The following CALR variants were observed in gnomAD, a reference collection of about 807,000 sequenced individuals.
The protein encoded by CALR is CRP55.
CALR carries 15 observed loss-of-function variants against 51.1 expected under a neutral mutation model. That is an observed-to-expected ratio of 0.29 (90% CI 0.20 to 0.45). CALR has a LOEUF of 0.45. Among genes scored for constraint, CALR ranks in the 20% least tolerant of loss-of-function variants. The pLI, the probability that CALR is intolerant of heterozygous loss-of-function variation, is 1.00. For missense variants in CALR, 477 were observed against 530.6 expected (o/e 0.90, Z 0.99); for synonymous variants, 239 against 205.9 (o/e 1.16, Z -1.38).
chr19:12,940,305 G>A lies in CALR; in HGVS notation c.555G>A (p.Lys185=), dbSNP rs1599660023. 1 of 1,614,238 alleles carries A rather than the reference G, an allele frequency of 6.2e-7. No homozygotes were observed. Among genetic ancestry groups the A allele is most frequent in the Non-Finnish European group, 8.5e-7 (1 of 1,180,050 alleles). Residue 185 remains lysine (K), a synonymous_variant, in exon 5 of 9, where the codon AAG becomes AAA. Coordinates refer to ENST00000316448, the MANE Select transcript of CALR (RefSeq NM_004343.4). ...IVRPDNTYEV[K]IDNSQVESGS... ...GGCCAGACAACACCTATGAGGTGAA[G>A]ATTGACAACAGCCAGGTGGAGTCCG...
rs933676459 is a variant in CALR at position 12,938,673 on chromosome 19, G to A, written c.-7G>A. On this transcript the variant is annotated 5_prime_UTR_variant, in exon 1 of 9. Coordinates refer to ENST00000316448, the MANE Select transcript of CALR (RefSeq NM_004343.4). Reference sequence around the variant, plus strand: ...GGGCCCGCGCGTTGCCGCCCCCTCGGCCCGCCATGCTGCTATCCGTGCCGC... The same window carrying A: ...GGGCCCGCGCGTTGCCGCCCCCTCGACCCGCCATGCTGCTATCCGTGCCGC... The A allele has an allele frequency of 1.2e-6, 2 of 1,606,266 alleles. No homozygotes were observed. The highest frequency in any genetic ancestry group is 1.1e-5 in the South Asian group (1 of 90,178).
chr19:12,944,285 G>T lies in CALR; in HGVS notation c.*372G>T, dbSNP rs955292670. 2.5e-6 allele frequency: 1 copy of T among 397,838 alleles called. No individual in the cohort carries two copies. Among genetic ancestry groups the T allele is most frequent in the Non-Finnish European group, 4.7e-6 (1 of 212,898 alleles). The allele number at this position is 397,838 out of a possible 1,614,324, so 24.6% of individuals were successfully genotyped here. A position where few individuals can be genotyped will look rare whatever the true frequency, so the allele number is the denominator to read the frequency against. On this transcript the variant is annotated 3_prime_UTR_variant, in exon 9 of 9. Coordinates refer to ENST00000316448, the MANE Select transcript of CALR (RefSeq NM_004343.4). ...GATTTCATCTGCTCTCCTTCCTGGA[G>T]CCCAGAGGAGGGCAGCAGAAGGGGG... is the stretch of plus-strand genomic sequence containing the variant.
Position 12,943,578 on chromosome 19 carries a change from C to G in CALR, c.1002C>G (p.Asn334Lys). The change falls in exon 8 of 9, where the codon AAC (asparagine) becomes AAG (lysine). Residue 334 changes from asparagine (N) to lysine (K), a missense_variant. Coordinates refer to ENST00000316448, the MANE Select transcript of CALR (RefSeq NM_004343.4). ...GTIFDNFLIT[N>K]DEAYAEEFGN... is the part of the protein sequence containing the mutation. ...TCTTTGACAACTTCCTCATCACCAA[C>G]GATGAGGCATACGCTGAGGAGTTTG... The G allele has an allele frequency of 6.2e-7, 1 of 1,614,128 alleles. No individual in the cohort carries two copies. Among genetic ancestry groups the G allele is most frequent in the Non-Finnish European group, 8.5e-7 (1 of 1,180,018 alleles).
rs144562269 is a variant in CALR at position 12,940,588 on chromosome 19, C to T, written c.750C>T (p.Pro250=). 1.2e-5 allele frequency: 20 copies of T among 1,614,104 alleles called. No individual in the cohort carries two copies. The East Asian group carries it at 2.5e-4, about 20-fold the overall frequency. The change falls in exon 6 of 9, where the codon CCC becomes CCT. Residue 250 remains proline, a synonymous_variant. Transcript: ENST00000316448. ...TCCCTGACCCTGATGCTAAGAAGCCCGAGGACTGGGATGAAGAGATGGACG... is the reference window on the plus strand; with the variant it reads ...TCCCTGACCCTGATGCTAAGAAGCCTGAGGACTGGGATGAAGAGATGGACG... The part of the protein sequence containing the change: ...EHIPDPDAKK[P]EDWDEEMDGE...
intron 7 of CALR, 40 bp from the exon 8 acceptor site, chr19:12,943,497 C>T (rs532390694): frequency 7.3e-5 from 114 of 1,569,390 alleles, no homozygotes; most frequent in Middle Eastern, 5.0e-4. Flanking sequence ...CAAGGGCTAT[C>T]GGGTATCACC....
Position 12,938,957 on chromosome 19 carries a change from A to T in CALR, c.92-177A>T. Reference sequence around the variant, plus strand: ...GGGCGTAGCGGCCTCCCGCGGCGGGAGTTAGGGTTAGCCCGAGGATCTCTG... The same window carrying T: ...GGGCGTAGCGGCCTCCCGCGGCGGGTGTTAGGGTTAGCCCGAGGATCTCTG... On this transcript the variant is annotated intron_variant, in intron 1 of 8. Transcript: ENST00000316448. 8.3e-6 allele frequency: 6 copies of T among 721,178 alleles called. No homozygotes were observed. In the South Asian group the frequency reaches 9.3e-5, roughly 11 times the overall value. 44.7% of individuals were successfully genotyped at this position (721,178 alleles called of 1,614,324 possible).
At chr19:12,939,401 G>A (rs1374253007) in intron 2 of CALR, 27 bp from the exon 3 acceptor site, 6 of 1,610,196 alleles carry the variant, frequency 3.7e-6, no homozygotes, top group Non-Finnish European at 2.5e-6. Context: ...AAGGCCCAAC[G>A]GTGACCTCAC....
chr19:12,938,929 G>A, intron 1 of CALR, 159 bp downstream of exon 1: 1 of 763,512 alleles, frequency 1.3e-6, no homozygotes, highest in Non-Finnish European at 2.3e-6. Context: ...TGGGGAGCGC[G>A]GAGGGCGTAG....
In CALR at chr19:12,940,402, G is replaced by T; in HGVS notation, c.652G>T (p.Asp218Tyr). 13 of 1,614,218 alleles carry T rather than the reference G, an allele frequency of 8.1e-6. No homozygotes were observed. The highest frequency in any genetic ancestry group is 1.1e-5 in the Non-Finnish European group (13 of 1,180,046). ...GGATCCTGATGCTTCAAAACCGGAA[G>T]ACTGGGATGAGCGGGCCAAGATCGA... Reference protein sequence around the residue: ...IKDPDASKPEDWDERAKIDDP... With the variant: ...IKDPDASKPEYWDERAKIDDP... Residue 218 changes from aspartate to tyrosine, a missense_variant, in exon 5 of 9, where the codon GAC becomes TAC. Transcript: ENST00000316448.
At position 12,940,031 on chromosome 19, in the gene CALR, A is replaced by G. The variant is rs1206478733; in HGVS notation, c.398-22A>G. 5.8e-6 allele frequency: 9 copies of G among 1,560,602 alleles called. No homozygotes were observed. In the East Asian group the frequency reaches 2.0e-4, roughly 35 times the overall value. On this transcript the variant is annotated intron_variant, in intron 3 of 8. Transcript: ENST00000316448. Reference sequence around the variant, plus strand: ...GATGATGGGTAGTCTCTGACTCTTAACTGGATCTGCTTCACACCTAGGTCC... The same window carrying G: ...GATGATGGGTAGTCTCTGACTCTTAGCTGGATCTGCTTCACACCTAGGTCC...
chr19:12,940,790 C>G lies in CALR; in HGVS notation c.863C>G (p.Thr288Ser), dbSNP rs940720149. Residue 288 changes from threonine (T) to serine (S), a missense_variant, in exon 7 of 9, where the codon ACT becomes AGT. Physicochemically the swap from Thr to Ser is moderately conservative, Grantham distance 58. Coordinates refer to ENST00000316448, the MANE Select transcript of CALR (RefSeq NM_004343.4). Reference protein sequence around the residue: ...RQIDNPDYKGTWIHPEIDNPE... With the variant: ...RQIDNPDYKGSWIHPEIDNPE... ...ATCGACAACCCAGATTACAAGGGCA[C>G]TTGGATCCACCCAGAAATTGACAAC... 4.3e-6 allele frequency: 7 copies of G among 1,614,164 alleles called. No individual in the cohort carries two copies. Among genetic ancestry groups the G allele is most frequent in the Non-Finnish European group, 5.9e-6 (7 of 1,180,020 alleles).
intron 3 of CALR, 119 bp from the exon 4 acceptor site, chr19:12,939,934 C>G: frequency 2.5e-6 from 2 of 801,398 alleles, no homozygotes; most frequent in Non-Finnish European, 4.3e-6. Flanking sequence ...GTCTGAGTTT[C>G]TCTTCTCAGC....
Position 12,944,139 on chromosome 19 carries a change from G to GC in CALR, c.*229dup, listed in dbSNP as rs1431628087. The GC allele has an allele frequency of 1.0e-4, 61 of 612,064 alleles. No individual in the cohort carries two copies. The highest frequency in any genetic ancestry group is 1.4e-4 in the Non-Finnish European group (53 of 384,712). The allele number at this position is 612,064 out of a possible 1,614,324, so 37.9% of individuals were successfully genotyped here. On this transcript the variant is annotated 3_prime_UTR_variant, in exon 9 of 9. Transcript: ENST00000316448. ...GTATTTTATCTTTGATTCTCCTTCA[G>GC]CCCTCACCCCTGGTTCTCATCTTTC...
chr19:12,940,342 G>C lies in CALR; in HGVS notation c.592G>C (p.Asp198His). ...CCAGGTGGAGTCCGGCTCCTTGGAA[G>C]ACGATTGGGACTTCCTGCCACCCAA... ...NSQVESGSLE[D>H]DWDFLPPKKI... Residue 198 changes from aspartate (D) to histidine (H), a missense_variant, in exon 5 of 9, where the codon GAC (aspartate) becomes CAC (histidine). Coordinates refer to ENST00000316448, the MANE Select transcript of CALR (RefSeq NM_004343.4). 6.2e-7 allele frequency: 1 copy of C among 1,614,202 alleles called. No individual in the cohort carries two copies.
chr19:12,942,673 C>T (rs780392563), intron 7 of CALR, among the ~76,000 whole-genome samples: 1 of 150,468 alleles, frequency 6.6e-6, no homozygotes, highest in Admixed American at 6.6e-5. Flanking sequence ...CGGCTCACTG[C>T]AGCCTCTGCC....
intron 7 of CALR, 112 bp downstream of exon 7, chr19:12,940,999 C>T (rs868355405): frequency 3.0e-6 from 3 of 1,011,838 alleles, no homozygotes; most frequent in Middle Eastern, 2.6e-4. Context: ...AAAAATGGTA[C>T]TTCTTGTAAA....
intron 7 of CALR, chr19:12,943,118 T>A: frequency 8.2e-6 from 1 of 122,604 alleles, no homozygotes; most frequent in Non-Finnish European, 1.6e-5. Flanking sequence ...GGAGTCTCAC[T>A]CTGTCACCCA....
chr19:12,940,180 T>TG, intron 4 of CALR, 33 bp downstream of exon 4: 1 of 1,611,538 alleles, frequency 6.2e-7, no homozygotes, highest in African/African-American at 1.3e-5. Context: ...ATGGCTGTCA[T>TG]GGGGAGATTC....
rs1971513690 is a variant in CALR at position 12,939,415 on chromosome 19, C to T, written c.194-13C>T. ...CAAGGCCCAACGGTGACCTCACTAC[C>T]GTCCCGTCTCAGGTTTGCAGACAAG... is the stretch of plus-strand genomic sequence containing the variant. On this transcript the variant is annotated splice_polypyrimidine_tract_variant and intron_variant, in intron 2 of 8. Coordinates refer to ENST00000316448, the MANE Select transcript of CALR (RefSeq NM_004343.4). 1.2e-6 allele frequency: 2 copies of T among 1,611,994 alleles called. No individual in the cohort carries two copies. The highest frequency in any genetic ancestry group is 2.2e-5 in the South Asian group (2 of 90,992).
Sources: gnomAD v4.1 joint callset for allele counts (sites outside exome capture counted in the v4.1 genomes callset) on GRCh38, gnomAD v4.1.1 for gene constraint, MANE v1.5 for transcripts, NCBI Gene and HGNC (gene_info 2026-07-23, HGNC 2026-07-21) for gene names.